The following CDH10 variants were observed in gnomAD, a reference collection of about 807,000 sequenced individuals.
CDH10 encodes the protein cadherin-10.
In CDH10, 30 loss-of-function variants were observed where a neutral mutation model predicts 73.1. That is an observed-to-expected ratio of 0.41 (90% CI 0.31 to 0.56). CDH10 has a LOEUF of 0.56. CDH10 is among the 20% of genes least tolerant of loss of function. CDH10 has a pLI of 0.27. For missense variants in CDH10, 815 were observed against 973.7 expected, an observed-to-expected ratio of 0.84 and a Z score of 2.17; for synonymous variants, 345 against 348.2, an observed-to-expected ratio of 0.99 and a Z score of 0.10.
chr5:24,598,067 A>G (rs1461887136), intron 1 of CDH10, among the ~76,000 whole-genome samples: 2 of 152,068 alleles, frequency 1.3e-5, no homozygotes, highest in African/African-American at 2.4e-5. Flanking sequence ...TAACATTTCA[A>G]CACTGAAAAA....
At chr5:24,575,357 A>ACC (rs375301893) in intron 2 of CDH10, among the ~76,000 whole-genome samples, 1 of 143,910 alleles carries the variant, frequency 6.9e-6, no homozygotes, top group African/African-American at 2.7e-5. Context: ...AAAAACAACA[A>ACC]AAAAAAAAAA....
chr5:24,582,982 G>C (rs13164751), intron 2 of CDH10, among the ~76,000 whole-genome samples: 94,160 of 151,686 alleles, frequency 0.62, 30,767 homozygotes, highest in East Asian at 0.76. Context: ...TATGCTTCAG[G>C]GTTTCTACTT....
At chr5:24,611,110 T>A (rs966343663) in intron 1 of CDH10, among the ~76,000 whole-genome samples, 3 of 152,160 alleles carry the variant, frequency 2.0e-5, no homozygotes, top group African/African-American at 7.2e-5. Context: ...TTAGCACAGA[T>A]CCCTGTAGAG....
chr5:24,512,126 C>T (rs569725590), intron 5 of CDH10, among the ~76,000 whole-genome samples: 1 of 152,076 alleles, frequency 6.6e-6, no homozygotes, highest in African/African-American at 2.4e-5. Flanking sequence ...TGCACATGTA[C>T]CCCTGAACCT....
At chr5:24,508,575 G>C (rs892372722) in intron 7 of CDH10, among the ~76,000 whole-genome samples, 10 of 149,558 alleles carry the variant, frequency 6.7e-5, no homozygotes, top group Non-Finnish European at 1.5e-4. Context: ...CTGGAGAGCA[G>C]TGGTGTGAAT....
chr5:24,517,960 A>G (rs1464130563), intron 5 of CDH10, among the ~76,000 whole-genome samples: 1 of 152,152 alleles, frequency 6.6e-6, no homozygotes, highest in African/African-American at 2.4e-5. Context: ...AACATTTTAG[A>G]TTTCGTAGTG....
rs35903930 is a variant in CDH10, at chr5:24,509,240, C to CTTTTTTTTT, written c.1256+317_1256+325dup. 3.8e-4 allele frequency among the ~76,000 whole-genome samples: 32 copies of CTTTTTTTTT among 85,332 alleles called. 1 individual carries two copies. Among genetic ancestry groups the CTTTTTTTTT allele is most frequent in the African/African-American group, 6.3e-4 (13 of 20,490 alleles). 56.0% of individuals were successfully genotyped at this position (85,332 alleles called of 152,430 possible). On this transcript the variant is annotated intron_variant, in intron 7 of 11. Transcript: ENST00000264463. ...AAACAACATTTTGTTCTCCTTTTTC[C>CTTTTTTTTT]TTTTTTTTTTTTTTTTTTGAGACAG...
At chr5:24,506,274 A>G (rs1031573966) in intron 7 of CDH10, among the ~76,000 whole-genome samples, 2 of 152,242 alleles carry the variant, frequency 1.3e-5, no homozygotes, top group Non-Finnish European at 2.9e-5. Flanking sequence ...TACGCTGGGC[A>G]TGATTTTAAA....
chr5:24,502,217 T>C lies in CDH10; in HGVS notation c.1393+2895A>G, dbSNP rs528491474. Among the ~76,000 whole-genome samples, 38 of 152,244 alleles carry C rather than the reference T, an allele frequency of 2.5e-4. No individual in the cohort carries two copies. The South Asian group carries it at 3.3e-3, about 13-fold the overall frequency. ...GATTACAGGCGTGAGCCACCGCGCC[T>C]GGCTCCCACATAGCATTTTAAAATA... On this transcript the variant is annotated intron_variant, in intron 8 of 11. Coordinates refer to ENST00000264463, the MANE Select transcript of CDH10 (RefSeq NM_006727.5).
At chr5:24,574,318 G>A (rs542063385) in intron 2 of CDH10, among the ~76,000 whole-genome samples, 12 of 152,184 alleles carry the variant, frequency 7.9e-5, no homozygotes, top group East Asian at 1.9e-4. Context: ...TGATCACTGC[G>A]TATCTATTAT....
At position 24,563,161 on chromosome 5, in the gene CDH10, G is replaced by GTAACA. The variant is rs202160792; in HGVS notation, c.232-25492_232-25488dup. ...TTTCAGCATCTTTGAGGCTGGAAGA[G>GTAACA]TAACAGTCCTTCCTAAATTTGAAGA... is the stretch of plus-strand genomic sequence containing the variant. On this transcript the variant is annotated intron_variant, in intron 2 of 11. Transcript: ENST00000264463. Among the ~76,000 whole-genome samples the GTAACA allele has an allele frequency of 1.0e-3, 156 of 152,290 alleles. 2 individuals are homozygous for GTAACA. In the East Asian group the frequency reaches 0.028, roughly 27 times the overall value.
In CDH10 at chr5:24,603,117, G is replaced by A. The variant is rs141299619; in HGVS notation, c.-123-9504C>T. ...CCACTAGGGTAGAAGTGAAACAGCT[G>A]TGATATATCAAGAGGAACAAAGAAC... is the stretch of plus-strand genomic sequence containing the variant. On this transcript the variant is annotated intron_variant, in intron 1 of 11. Transcript: ENST00000264463. 3.2e-4 allele frequency among the ~76,000 whole-genome samples: 49 copies of A among 152,254 alleles called. No homozygotes were observed. The East Asian group carries it at 8.1e-3, about 25-fold the overall frequency.
At chr5:24,614,242 C>T (rs1352525186) in intron 1 of CDH10, among the ~76,000 whole-genome samples, 2 of 152,076 alleles carry the variant, frequency 1.3e-5, no homozygotes, top group African/African-American at 4.8e-5. Flanking sequence ...TTGCAATGAA[C>T]ATTTATGAAG....
intron 8 of CDH10, among the ~76,000 whole-genome samples, chr5:24,504,750 T>A (rs1349497114): frequency 6.6e-6 from 1 of 151,880 alleles, no homozygotes; most frequent in African/African-American, 2.4e-5. Context: ...GGTCTGGATC[T>A]CCTGACCTCG....
intron 2 of CDH10, among the ~76,000 whole-genome samples, chr5:24,572,654 G>C (rs915011469): frequency 1.3e-5 from 2 of 152,020 alleles, no homozygotes; most frequent in Non-Finnish European, 2.9e-5. Context: ...ATGAATCAAA[G>C]AGTAGAATCG....
intron 2 of CDH10, among the ~76,000 whole-genome samples, chr5:24,545,424 C>G (rs560850225): frequency 2.0e-5 from 3 of 152,290 alleles, no homozygotes; most frequent in East Asian, 1.9e-4. Flanking sequence ...ATGAGCTATA[C>G]AAATATCTGA....
chr5:24,557,907 T>TTATTCAATTG (rs1744821305), intron 2 of CDH10, among the ~76,000 whole-genome samples: 2 of 151,830 alleles, frequency 1.3e-5, no homozygotes, highest in Admixed American at 1.3e-4. Context: ...TTAATTGTTT[T>TTATTCAATTG]TAATCCCTTT....
intron 8 of CDH10, among the ~76,000 whole-genome samples, chr5:24,502,926 C>T (rs1415409017): frequency 6.6e-6 from 1 of 151,900 alleles, no homozygotes; most frequent in African/African-American, 2.4e-5. Flanking sequence ...AAGCTAAATC[C>T]ACAGGGTATT....
At chr5:24,524,149 A>G (rs2111828812) in intron 5 of CDH10, among the ~76,000 whole-genome samples, 1 of 152,236 alleles carries the variant, frequency 6.6e-6, no homozygotes, top group East Asian at 1.9e-4. Context: ...TTTCTCTGGA[A>G]TTATGTTTAT....
Sources: allele counts gnomAD v4.1 joint callset (sites outside exome capture counted in the v4.1 genomes callset), GRCh38; gene constraint gnomAD v4.1.1; transcripts MANE v1.5; gene names NCBI Gene and HGNC (gene_info 2026-07-23, HGNC 2026-07-21).